Variants in PRDX6 observed in about 807,000 individuals in gnomAD.
PRDX6 encodes peroxiredoxin-6.
PRDX6 carries 13 observed loss-of-function variants against 20.0 expected under a neutral mutation model. The ratio of observed to expected loss-of-function variants is 0.65; its 90% confidence interval spans 0.42 to 1.03. The LOEUF (loss-of-function observed/expected upper bound fraction) is 1.03. PRDX6 is among the 50% of genes least tolerant of loss of function. The pLI is 0.00. For missense variants in PRDX6, 203 were observed against 276.9 expected (o/e 0.73, Z 1.89); for synonymous variants, 85 against 100.8 (o/e 0.84, Z 0.94).
rs1037243660 is a variant in PRDX6, at chr1:173,488,104, T to G, written c.*241T>G. The G allele has an allele frequency of 5.2e-5, 24 of 462,286 alleles. No homozygotes were observed. Among genetic ancestry groups the G allele is most frequent in the African/African-American group, 4.1e-4 (21 of 51,086 alleles). 28.6% of individuals were successfully genotyped at this position (462,286 alleles called of 1,614,324 possible). A position where few individuals can be genotyped will look rare whatever the true frequency, so the allele number is the denominator to read the frequency against. On this transcript the variant is annotated 3_prime_UTR_variant, in exon 5 of 5. Coordinates refer to ENST00000340385, the MANE Select transcript of PRDX6 (RefSeq NM_004905.3). ...TGCTGGTTCTGTTTGAAATATGTTC[T>G]GTATTTAAAACTCAAATCTTGTTGG...
chr1:173,487,211 A>G (rs1226671613), intron 4 of PRDX6, among the ~76,000 whole-genome samples: 2 of 152,202 alleles, frequency 1.3e-5, no homozygotes, highest in Non-Finnish European at 2.9e-5. Context: ...TGGGAGAGTG[A>G]CTGTCAAGGA....
At chr1:173,480,688 G>C (rs2101856873) in intron 1 of PRDX6, among the ~76,000 whole-genome samples, 1 of 152,298 alleles carries the variant, frequency 6.6e-6, no homozygotes, top group South Asian at 2.1e-4. Flanking sequence ...AGGTGCTATT[G>C]TTTTGTCAGA....
chr1:173,487,663 A>G lies in PRDX6; in HGVS notation c.547-72A>G, dbSNP rs113307868. On this transcript the variant is annotated intron_variant, in intron 4 of 4. Coordinates refer to ENST00000340385, the MANE Select transcript of PRDX6 (RefSeq NM_004905.3). ...CATTAGCACCTGTAGCTACTTTTCT[A>G]AAGTTAATTCCTGAAGGCCTTGAAG... 2.4e-4 allele frequency: 376 copies of G among 1,556,242 alleles called. 1 individual carries two copies. The African/African-American group carries it at 4.8e-3, about 20-fold the overall frequency.
intron 4 of PRDX6, among the ~76,000 whole-genome samples, chr1:173,487,014 T>A (rs1487947046): frequency 6.6e-6 from 1 of 152,250 alleles, no homozygotes; most frequent in South Asian, 2.1e-4. Context: ...TTATTACTTA[T>A]TTATGTACTT....
At chr1:173,480,366 C>T (rs1318557929) in intron 1 of PRDX6, among the ~76,000 whole-genome samples, 1 of 152,172 alleles carries the variant, frequency 6.6e-6, no homozygotes, top group Non-Finnish European at 1.5e-5. Context: ...GTTTAGGATC[C>T]TGCCTAAATC....
Position 173,487,946 on chromosome 1 carries a change from C to G in PRDX6, c.*83C>G. 1 of 1,548,406 alleles carries G rather than the reference C, an allele frequency of 6.5e-7. No homozygotes were observed. Among genetic ancestry groups the G allele is most frequent in the Non-Finnish European group, 8.8e-7 (1 of 1,137,574 alleles). ...CCTGCAGCAATTCCATAAACACATCCTGGTGTCATCACAGCCAAGGTTTTT... is the reference window on the plus strand; with the variant it reads ...CCTGCAGCAATTCCATAAACACATCGTGGTGTCATCACAGCCAAGGTTTTT... On this transcript the variant is annotated 3_prime_UTR_variant, in exon 5 of 5. Coordinates refer to ENST00000340385, the MANE Select transcript of PRDX6 (RefSeq NM_004905.3).
At chr1:173,482,931 G>C (rs976976350) in intron 2 of PRDX6, among the ~76,000 whole-genome samples, 4 of 152,280 alleles carry the variant, frequency 2.6e-5, no homozygotes, top group African/African-American at 9.6e-5. Context: ...ACTTGCCCAA[G>C]ACTGCCCAAT....
At chr1:173,484,260 T>C (rs985569556) in intron 2 of PRDX6, among the ~76,000 whole-genome samples, 2 of 149,912 alleles carry the variant, frequency 1.3e-5, no homozygotes, top group African/African-American at 4.9e-5. Context: ...TGTGCATATA[T>C]ATATATAGTT....
intron 2 of PRDX6, among the ~76,000 whole-genome samples, chr1:173,484,461 C>G (rs1658863151): frequency 6.6e-6 from 1 of 152,062 alleles, no homozygotes; most frequent in Non-Finnish European, 1.5e-5. Context: ...CTGCTTCATA[C>G]TGGAATCATC....
intron 1 of PRDX6, among the ~76,000 whole-genome samples, chr1:173,478,137 G>A (rs1363307025): frequency 6.6e-6 from 1 of 152,242 alleles, no homozygotes; most frequent in Non-Finnish European, 1.5e-5. Flanking sequence ...CAAGTAGGTG[G>A]CCGAAAGACT....
intron 2 of PRDX6, among the ~76,000 whole-genome samples, chr1:173,482,547 T>C (rs1183193714): frequency 6.6e-6 from 1 of 152,202 alleles, no homozygotes; most frequent in Non-Finnish European, 1.5e-5. Context: ...AACAGTAAAT[T>C]TGGTGGTCTG....
Position 173,481,308 on chromosome 1 carries a change from T to C in PRDX6, c.96-18T>C. ...ATAACTCTTAATTCAATTGTGACCT[T>C]GTTTTTCTTCCTTTCAGATGGGGCA... is the stretch of plus-strand genomic sequence containing the variant. On this transcript the variant is annotated intron_variant, in intron 1 of 4. Coordinates refer to ENST00000340385, the MANE Select transcript of PRDX6 (RefSeq NM_004905.3). The C allele has an allele frequency of 6.2e-7, 1 of 1,607,412 alleles. No individual in the cohort carries two copies. Among genetic ancestry groups the C allele is most frequent in the Non-Finnish European group, 8.5e-7 (1 of 1,174,786 alleles).
At position 173,480,245 on chromosome 1, in the gene PRDX6, A is replaced by G. The variant is rs111340938; in HGVS notation, c.96-1081A>G. On this transcript the variant is annotated intron_variant, in intron 1 of 4. Transcript: ENST00000340385. ...TTCCTTCTTGAAACCTTGGGAGTTG[A>G]GTGGCAGCCGTAAGTAGGAAGGAGG... Among the ~76,000 whole-genome samples the G allele has an allele frequency of 4.8e-3, 726 of 152,254 alleles. 7 individuals are homozygous for G. Among genetic ancestry groups the G allele is most frequent in the African/African-American group, 0.017 (692 of 41,538 alleles).
intron 2 of PRDX6, among the ~76,000 whole-genome samples, chr1:173,483,669 T>G (rs1658842339): frequency 6.6e-6 from 1 of 152,212 alleles, no homozygotes; most frequent in Non-Finnish European, 1.5e-5. Context: ...ATCAAGCCCC[T>G]GTTTTACTTT....
At position 173,478,640 on chromosome 1, in the gene PRDX6, G is replaced by A. The variant is rs539837215; in HGVS notation, c.95+1148G>A. 3.3e-5 allele frequency among the ~76,000 whole-genome samples: 5 copies of A among 152,160 alleles called. No individual in the cohort carries two copies. The South Asian group carries it at 1.0e-3, about 32-fold the overall frequency. On this transcript the variant is annotated intron_variant, in intron 1 of 4. Transcript: ENST00000340385. ...ACTAGTGGTCCCACTACACTGTGGG[G>A]CTCCAAGGCTTGACAACAGTTCTTC...
chr1:173,481,131 T>C, intron 1 of PRDX6, 195 bp from the exon 2 acceptor site: 1 of 571,980 alleles, frequency 1.7e-6, no homozygotes. Context: ...TGAATTGGGC[T>C]ATAAGCATAG....
intron 3 of PRDX6, 114 bp downstream of exon 3, chr1:173,485,621 G>A: frequency 9.9e-7 from 1 of 1,010,010 alleles, no homozygotes; most frequent in Non-Finnish European, 1.3e-6. Flanking sequence ...TGAAATAACT[G>A]TGTATTGGCG....
intron 1 of PRDX6, among the ~76,000 whole-genome samples, chr1:173,479,035 C>G (rs1658757131): frequency 6.6e-6 from 1 of 152,152 alleles, no homozygotes; most frequent in South Asian, 2.1e-4. Flanking sequence ...GCCCTCATCC[C>G]CCATCCCCAT....
In PRDX6 at chr1:173,477,506, G is replaced by A. The variant is rs1180367738; in HGVS notation, c.95+14G>A. On this transcript the variant is annotated intron_variant, in intron 1 of 4. Transcript: ENST00000340385. ...TCTGGGAGACTCGTAAGTGGCCACC[G>A]CGTAGCCCTGTCCTGGCCTCGGTTG... The A allele has an allele frequency of 1.3e-6, 2 of 1,589,540 alleles. No individual in the cohort carries two copies. Among genetic ancestry groups the A allele is most frequent in the Non-Finnish European group, 8.6e-7 (1 of 1,165,888 alleles).
Sources: gnomAD v4.1 joint callset for allele counts (sites outside exome capture counted in the v4.1 genomes callset) on GRCh38, gnomAD v4.1.1 for gene constraint, MANE v1.5 for transcripts, NCBI Gene and HGNC (gene_info 2026-07-23, HGNC 2026-07-21) for gene names.